Variants in TOGARAM2 observed in about 807,000 individuals in gnomAD.
TOGARAM2 encodes the protein TOG array regulator of axonemal microtubules 2.
A neutral mutation model predicts 93.3 loss-of-function variants in TOGARAM2; 85 were observed. The observed-to-expected ratio is 0.91, with a 90% CI of 0.76 to 1.09. The LOEUF (loss-of-function observed/expected upper bound fraction) is 1.09. Among genes scored for constraint, TOGARAM2 ranks in the 50% least tolerant of loss-of-function variants. The pLI is 0.00. For missense variants in TOGARAM2, 1,277 were observed against 1,334.5 expected (o/e 0.96, Z 0.67); for synonymous variants, 593 against 552.8 (o/e 1.07, Z -1.02).
chr2:29,011,012 T>C (rs1664208943), intron 6 of TOGARAM2, among the ~76,000 whole-genome samples: 1 of 152,052 alleles, frequency 6.6e-6, no homozygotes. Context: ...AGTGGGACTA[T>C]TTAGGGGTCA....
chr2:28,994,297 G>C (rs1672881974), intron 1 of TOGARAM2, among the ~76,000 whole-genome samples: 1 of 152,112 alleles, frequency 6.6e-6, no homozygotes, highest in Non-Finnish European at 1.5e-5. Flanking sequence ...GTGTCCGAGA[G>C]GCCCCGCCAA....
At chr2:29,048,735 G>A (rs1188184594) in intron 19 of TOGARAM2, 1 of 147,328 alleles carries the variant, frequency 6.8e-6, no homozygotes, top group Non-Finnish European at 1.5e-5. Flanking sequence ...CTGGAGTGCA[G>A]TGATGAGATC....
chr2:29,013,360 G>A (rs1261498093), intron 7 of TOGARAM2, among the ~76,000 whole-genome samples: 1 of 152,190 alleles, frequency 6.6e-6, no homozygotes, highest in African/African-American at 2.4e-5. Flanking sequence ...ATATATGTCT[G>A]TATATAAAGG....
chr2:29,036,036 G>A (rs1315907119), intron 17 of TOGARAM2, among the ~76,000 whole-genome samples: 1 of 152,066 alleles, frequency 6.6e-6, no homozygotes, highest in African/African-American at 2.4e-5. Flanking sequence ...GTAGGTACAA[G>A]CCCTTCATAG....
chr2:28,990,750 C>T (rs1364416489), intron 1 of TOGARAM2, among the ~76,000 whole-genome samples: 1 of 152,088 alleles, frequency 6.6e-6, no homozygotes, highest in African/African-American at 2.4e-5. Flanking sequence ...AGTGAACGTT[C>T]ACCTTCTCTG....
intron 1 of TOGARAM2, among the ~76,000 whole-genome samples, chr2:28,986,901 T>C (rs889069835): frequency 6.6e-6 from 1 of 152,236 alleles, no homozygotes; most frequent in African/African-American, 2.4e-5. Flanking sequence ...GATATTATTA[T>C]TTCCATTTCG....
intron 5 of TOGARAM2, 26 bp from the exon 6 acceptor site, chr2:29,003,466 G>C: frequency 6.2e-6 from 9 of 1,459,582 alleles, no homozygotes; most frequent in Non-Finnish European, 8.2e-6. Context: ...CCATAGGCCA[G>C]ACCCCTGTCC....
chr2:29,024,923 A>G (rs1007094025), intron 13 of TOGARAM2, among the ~76,000 whole-genome samples: 1 of 152,164 alleles, frequency 6.6e-6, no homozygotes, highest in African/African-American at 2.4e-5. Context: ...TGGGGAGGGG[A>G]AGGTATTGGG....
intron 1 of TOGARAM2, among the ~76,000 whole-genome samples, chr2:28,961,502 C>T (rs372140794): frequency 2.3e-4 from 35 of 151,954 alleles, no homozygotes; most frequent in South Asian, 6.2e-4. Context: ...CCACCATGCC[C>T]GGCTAATTTT....
upstream of TOGARAM2, among the ~76,000 whole-genome samples, chr2:28,979,941 G>A (rs910835680): frequency 1.3e-5 from 2 of 152,194 alleles, no homozygotes; most frequent in African/African-American, 2.4e-5. Flanking sequence ...GCCTTGTCAC[G>A]TCCCCGCCCT....
At chr2:28,957,118 CAAAAA>C (rs552674230) in intron 1 of TOGARAM2, among the ~76,000 whole-genome samples, 1 of 151,680 alleles carries the variant, frequency 6.6e-6, no homozygotes, top group African/African-American at 2.4e-5. Flanking sequence ...AAACAAAAAA[CAAAAA>C]ACGAAAAACA....
In TOGARAM2 at chr2:29,017,916, C is replaced by T. The variant is rs750837802; in HGVS notation, c.1320C>T (p.Pro440=). 7 of 1,610,742 alleles carry T rather than the reference C, an allele frequency of 4.3e-6. No individual in the cohort carries two copies. Among genetic ancestry groups the T allele is most frequent in the East Asian group, 2.2e-5 (1 of 44,786 alleles). ...WASRASLPSI[P]ISRQEPRFAR... ...GCCGGGCCTCCCTGCCCAGCATCCC[C>T]ATCAGCCGGCAGGAGCCCCGCTTTG... The change falls in exon 10 of 20, where the codon CCC becomes CCT. Residue 440 remains proline (P), a synonymous_variant. Transcript: ENST00000379558.
rs765069803 is a variant in TOGARAM2 at position 29,003,558 on chromosome 2, G to A, written c.706G>A (p.Val236Met). 1.8e-5 allele frequency: 28 copies of A among 1,594,632 alleles called. No homozygotes were observed. Among genetic ancestry groups the A allele is most frequent in the East Asian group, 9.3e-5 (4 of 43,062 alleles). ...GATGCAGAAGTCCCTGGGCGCCATC[G>A]TGATCCCACCCATCCCAAAGGCCAG... ...EKMQKSLGAI[V>M]IPPIPKARTV... Residue 236 changes from valine to methionine, a missense_variant, in exon 6 of 20, where the codon GTG becomes ATG. By Grantham distance (21) the Val-to-Met change is conservative. Coordinates refer to ENST00000379558, the MANE Select transcript of TOGARAM2 (RefSeq NM_199280.4).
chr2:29,013,350 A>C (rs911702836), intron 7 of TOGARAM2, among the ~76,000 whole-genome samples: 1 of 152,198 alleles, frequency 6.6e-6, no homozygotes, highest in Non-Finnish European at 1.5e-5. Context: ...AACTAGTAGG[A>C]TATATGTCTG....
upstream of TOGARAM2, among the ~76,000 whole-genome samples, chr2:28,976,848 C>G (rs556613767): frequency 6.6e-6 from 1 of 152,354 alleles, no homozygotes; most frequent in African/African-American, 2.4e-5. Context: ...GTGTCCTTGG[C>G]AGTGTCTGAG....
intron 14 of TOGARAM2, among the ~76,000 whole-genome samples, chr2:29,029,264 TACACACAC>T (rs146395549): frequency 2.5e-4 from 37 of 147,988 alleles, no homozygotes; most frequent in Admixed American, 1.3e-3. Flanking sequence ...TATGTGTGTA[TACACACAC>T]ACACACACAC....
At chr2:28,979,162 G>T (rs1672077362), upstream of TOGARAM2, among the ~76,000 whole-genome samples, 1 of 152,080 alleles carries the variant, frequency 6.6e-6, no homozygotes, top group South Asian at 2.1e-4. Flanking sequence ...TCCCCCAGAG[G>T]CCCGGGGCTC....
At chr2:29,027,367 A>G (rs1384149183) in intron 14 of TOGARAM2, among the ~76,000 whole-genome samples, 2 of 152,362 alleles carry the variant, frequency 1.3e-5, no homozygotes, top group East Asian at 3.9e-4. Context: ...ACAGCAGTGA[A>G]TAAGAAAAAT....
intron 6 of TOGARAM2, among the ~76,000 whole-genome samples, chr2:29,009,608 C>T (rs1353738660): frequency 1.3e-5 from 2 of 151,830 alleles, no homozygotes; most frequent in Non-Finnish European, 2.9e-5. Flanking sequence ...GAGACCATGC[C>T]GGGGTTCCTG....
Sources: gnomAD v4.1 joint callset for allele counts (sites outside exome capture counted in the v4.1 genomes callset) on GRCh38, gnomAD v4.1.1 for gene constraint, MANE v1.5 for transcripts, NCBI Gene and HGNC (gene_info 2026-07-23, HGNC 2026-07-21) for gene names.